Variants in ASIC2 observed in about 807,000 individuals in gnomAD.
ASIC2 encodes the protein acid sensing ion channel subunit 2, also known as acid-sensing ion channel 2.
Under a neutral mutation model 57.3 loss-of-function variants are expected in ASIC2, and 25 were observed. That is an observed-to-expected ratio of 0.44 (90% CI 0.32 to 0.61). ASIC2 has a LOEUF of 0.61. Ranked by LOEUF, ASIC2 falls within the 20% of genes least tolerant of loss-of-function variation. ASIC2 has a pLI of 0.06. For synonymous variants in ASIC2, 319 were observed against 307.5 expected (o/e 1.04, Z -0.39); for missense variants, 641 against 738.1 (o/e 0.87, Z 1.52).
At chr17:33,575,977 G>A (rs756458508) in intron 1 of ASIC2, among the ~76,000 whole-genome samples, 64 of 152,136 alleles carry the variant, frequency 4.2e-4, no homozygotes, top group Admixed American at 1.6e-3. Flanking sequence ...TGGAAACAGA[G>A]TCCATCATTT....
intron 1 of ASIC2, among the ~76,000 whole-genome samples, chr17:33,718,434 T>C (rs1037234102): frequency 2.6e-5 from 4 of 151,716 alleles, no homozygotes; most frequent in Non-Finnish European, 5.9e-5. Context: ...AGAGAGGCGA[T>C]GGCTCTCCCT....
At chr17:33,296,002 G>C (rs999281712), upstream of ASIC2, among the ~76,000 whole-genome samples, 1 of 151,950 alleles carries the variant, frequency 6.6e-6, no homozygotes, top group African/African-American at 2.4e-5. Context: ...CATTGTTGAT[G>C]CAAATCCTTG....
intron 1 of ASIC2, among the ~76,000 whole-genome samples, chr17:33,829,184 T>G (rs1913029593): frequency 6.6e-6 from 1 of 152,006 alleles, no homozygotes; most frequent in Admixed American, 6.6e-5. Flanking sequence ...GGTTTGAGGG[T>G]AAGGAGAGAG....
At position 33,579,215 on chromosome 17, in the gene ASIC2, G is replaced by A. The variant is rs183365775; in HGVS notation, c.556-467148C>T. On this transcript the variant is annotated intron_variant, in intron 1 of 9. Transcript: ENST00000359872. ...GCAGGAGAATCGCTTGAACCCGGGA[G>A]GCAGAGGTTGCAGTGAGCCAAAATC... Among the ~76,000 whole-genome samples the A allele has an allele frequency of 8.6e-5, 13 of 150,454 alleles. No individual in the cohort carries two copies. In the East Asian group the frequency reaches 1.4e-3, roughly 16 times the overall value.
intron 7 of ASIC2, 98 bp from the exon 8 acceptor site, chr17:33,017,782 C>T (rs939523255): frequency 7.1e-6 from 8 of 1,131,956 alleles, no homozygotes; most frequent in African/African-American, 3.1e-5. Flanking sequence ...AATGGCGCCC[C>T]CTCCATGGGG....
chr17:33,392,410 C>T (rs1909935185), intron 1 of ASIC2, among the ~76,000 whole-genome samples: 1 of 151,904 alleles, frequency 6.6e-6, no homozygotes, highest in African/African-American at 2.4e-5. Context: ...ACTACAGGTG[C>T]CCACCACCAC....
At chr17:34,108,374 T>C (rs1254911951) in intron 1 of ASIC2, among the ~76,000 whole-genome samples, 1 of 151,990 alleles carries the variant, frequency 6.6e-6, no homozygotes, top group Non-Finnish European at 1.5e-5. Flanking sequence ...TGAAATATTT[T>C]ATAATTTTTC....
chr17:33,409,899 C>T (rs1466498592), intron 1 of ASIC2, among the ~76,000 whole-genome samples: 56 of 152,194 alleles, frequency 3.7e-4, no homozygotes, highest in Admixed American at 3.6e-3. Context: ...CCCCAGTTTC[C>T]ACTTGTCCAA....
intron 1 of ASIC2, among the ~76,000 whole-genome samples, chr17:33,242,050 G>A (rs1973434): frequency 0.54 from 82,458 of 152,046 alleles, 23,389 homozygotes; most frequent in Non-Finnish European, 0.64. Context: ...CAGGTGCAGT[G>A]GCTCACGCCT....
chr17:33,974,759 T>C (rs1382539333), intron 1 of ASIC2, among the ~76,000 whole-genome samples: 1 of 152,042 alleles, frequency 6.6e-6, no homozygotes, highest in Non-Finnish European at 1.5e-5. Flanking sequence ...GTTCTGATTT[T>C]GTGGATTGCC....
At chr17:33,672,801 G>C (rs961889837) in intron 1 of ASIC2, among the ~76,000 whole-genome samples, 4 of 152,148 alleles carry the variant, frequency 2.6e-5, no homozygotes, top group African/African-American at 4.8e-5. Context: ...CCAGTCTGGC[G>C]TTGAGATGAG....
At chr17:34,078,700 G>A (rs1003839) in intron 1 of ASIC2, among the ~76,000 whole-genome samples, 27,070 of 152,058 alleles carry the variant, frequency 0.18, 3,032 homozygotes, top group African/African-American at 0.32. Flanking sequence ...TTTCTCACCC[G>A]TAAGTGCAGG....
chr17:33,876,908 G>T (rs115911203), intron 1 of ASIC2, among the ~76,000 whole-genome samples: 5 of 152,180 alleles, frequency 3.3e-5, no homozygotes, highest in Non-Finnish European at 7.3e-5. Context: ...TTTGGCACGC[G>T]TTCAGGTTAC....
chr17:33,326,412 T>C (rs961707824), intron 1 of ASIC2, among the ~76,000 whole-genome samples: 1 of 152,190 alleles, frequency 6.6e-6, no homozygotes, highest in African/African-American at 2.4e-5. Flanking sequence ...TCAGATAAAA[T>C]GCTTGACTGG....
chr17:33,327,715 G>C (rs1370826145), intron 1 of ASIC2, among the ~76,000 whole-genome samples: 1 of 152,200 alleles, frequency 6.6e-6, no homozygotes, highest in Non-Finnish European at 1.5e-5. Flanking sequence ...GCAAAGCCAG[G>C]GGTGTCATGA....
chr17:33,098,067 T>C (rs1267601407), intron 2 of ASIC2, among the ~76,000 whole-genome samples: 1 of 152,208 alleles, frequency 6.6e-6, no homozygotes, highest in Non-Finnish European at 1.5e-5. Context: ...GCACGTTAAA[T>C]TGCCCCTCTG....
At chr17:33,244,743 T>C (rs1295298825) in intron 1 of ASIC2, among the ~76,000 whole-genome samples, 1 of 152,202 alleles carries the variant, frequency 6.6e-6, no homozygotes, top group East Asian at 1.9e-4. Context: ...GCCTTCAGCA[T>C]TGAGGACAAG....
chr17:33,807,350 C>T (rs748336982), intron 1 of ASIC2, among the ~76,000 whole-genome samples: 3 of 152,192 alleles, frequency 2.0e-5, no homozygotes, highest in Admixed American at 1.3e-4. Flanking sequence ...ATTCACTCTG[C>T]TATTTGACAA....
chr17:33,419,563 T>G (rs918457890), intron 1 of ASIC2, among the ~76,000 whole-genome samples: 89 of 152,348 alleles, frequency 5.8e-4, no homozygotes, highest in Non-Finnish European at 5.9e-5. Flanking sequence ...CAGGTCTCTA[T>G]GTGTTTGGCA....
Sources: gnomAD v4.1 joint callset for allele counts (sites outside exome capture counted in the v4.1 genomes callset) on GRCh38, gnomAD v4.1.1 for gene constraint, MANE v1.5 for transcripts, NCBI Gene and HGNC (gene_info 2026-07-23, HGNC 2026-07-21) for gene names.